Variants in ROCK1 observed in about 807,000 individuals in gnomAD.
ROCK1 encodes rho-associated protein kinase 1.
A neutral mutation model predicts 196.8 loss-of-function variants in ROCK1; 36 were observed. The observed-to-expected ratio is 0.18, with a 90% CI of 0.14 to 0.24. The LOEUF is 0.24. Ranked by LOEUF, ROCK1 falls within the 10% of genes least tolerant of loss-of-function variation. The pLI is 1.00. For synonymous variants in ROCK1, 443 were observed against 515.9 expected, an observed-to-expected ratio of 0.86 and a Z score of 1.91; for missense variants, 920 against 1,562.0, an observed-to-expected ratio of 0.59 and a Z score of 6.93.
intron 4 of ROCK1, among the ~76,000 whole-genome samples, chr18:21,048,288 T>C (rs1352760008): frequency 6.6e-6 from 1 of 152,182 alleles, no homozygotes; most frequent in Admixed American, 6.5e-5. Flanking sequence ...TATTATTTGG[T>C]GACCTAGCTT....
chr18:21,090,873 A>C (rs1473974376), intron 1 of ROCK1, among the ~76,000 whole-genome samples: 1 of 14,474 alleles, frequency 6.9e-5, no homozygotes, highest in African/African-American at 7.5e-5. Flanking sequence ...AAAGTACAAT[A>C]GATCAGAAGC....
intron 1 of ROCK1, among the ~76,000 whole-genome samples, chr18:21,106,196 C>T (rs1206510484): frequency 6.6e-6 from 1 of 152,224 alleles, no homozygotes; most frequent in African/African-American, 2.4e-5. Context: ...ATGTTCTTAA[C>T]AGGCATCATG....
At chr18:20,972,399 T>C (rs2035437685) in intron 22 of ROCK1, among the ~76,000 whole-genome samples, 1 of 152,144 alleles carries the variant, frequency 6.6e-6, no homozygotes. Flanking sequence ...CAAGCAGAGA[T>C]GTCAATTAGA....
intron 13 of ROCK1, among the ~76,000 whole-genome samples, chr18:21,010,499 T>A (rs1167071582): frequency 6.6e-6 from 1 of 152,218 alleles, no homozygotes; most frequent in Non-Finnish European, 1.5e-5. Flanking sequence ...TTCTTTGACC[T>A]CTGGGTTATT....
chr18:20,992,009 T>C (rs2035630929), intron 17 of ROCK1, among the ~76,000 whole-genome samples: 1 of 152,142 alleles, frequency 6.6e-6, no homozygotes, highest in African/African-American at 2.4e-5. Context: ...TTTACTTTGC[T>C]TTCACAAAAA....
intron 1 of ROCK1, among the ~76,000 whole-genome samples, chr18:21,088,633 G>T (rs558384095): frequency 6.6e-6 from 1 of 152,254 alleles, no homozygotes; most frequent in South Asian, 2.1e-4. Context: ...TCATTTATTG[G>T]AAACTTAATC....
rs182624377 is a variant in ROCK1 at position 21,109,465 on chromosome 18, T to C, written c.93+1353A>G. 5.9e-5 allele frequency among the ~76,000 whole-genome samples: 9 copies of C among 152,338 alleles called. No homozygotes were observed. The East Asian group carries it at 1.7e-3, about 29-fold the overall frequency. Reference sequence around the variant, plus strand: ...ATATTAAAAGATAAATCAGACTTCTTAGAAGTTATAGAAATCCTTACTACA... The same window carrying C: ...ATATTAAAAGATAAATCAGACTTCTCAGAAGTTATAGAAATCCTTACTACA... On this transcript the variant is annotated intron_variant, in intron 1 of 32. Transcript: ENST00000399799.
chr18:21,035,833 T>G (rs1022818506), intron 9 of ROCK1, among the ~76,000 whole-genome samples: 1 of 151,624 alleles, frequency 6.6e-6, no homozygotes, highest in African/African-American at 2.4e-5. Flanking sequence ...AGACAAATAT[T>G]ATAGTAATCT....
At chr18:20,959,112 TA>T in intron 29 of ROCK1, among the ~76,000 whole-genome samples, 1 of 49,946 alleles carries the variant, frequency 2.0e-5, no homozygotes, top group Admixed American at 3.9e-4. Context: ...ATTATATATA[TA>T]TTATATAATA....
At position 20,954,792 on chromosome 18, in the gene ROCK1, G is replaced by A. The variant is rs2035225953; in HGVS notation, c.3844C>T (p.Pro1282Ser). ...AATTACCATGCCTTACCTTTACATG[G>A]ACAAATTAAGTCCTCTTTCTTATCT... Reference protein sequence around the residue: ...HLDKKEDLICPCKVSYDVTSA... With the variant: ...HLDKKEDLICSCKVSYDVTSA... The change falls in exon 31 of 33, where the codon CCA becomes TCA. Residue 1282 changes from proline (P) to serine (S), a missense_variant. Physicochemically the swap from Pro to Ser is moderately conservative, Grantham distance 74 (BLOSUM62 -1). Transcript: ENST00000399799. 1 of 1,604,796 alleles carries A rather than the reference G, an allele frequency of 6.2e-7. No homozygotes were observed. The highest frequency in any genetic ancestry group is 1.3e-5 in the African/African-American group (1 of 74,456).
At chr18:21,044,766 A>G (rs1321512264) in intron 5 of ROCK1, among the ~76,000 whole-genome samples, 2 of 152,338 alleles carry the variant, frequency 1.3e-5, no homozygotes, top group African/African-American at 4.8e-5. Context: ...AACACCATTT[A>G]AAGGCTATAT....
chr18:21,079,578 G>T (rs1218721604), intron 1 of ROCK1, among the ~76,000 whole-genome samples: 1 of 152,168 alleles, frequency 6.6e-6, no homozygotes, highest in African/African-American at 2.4e-5. Context: ...GGGGAGAGTA[G>T]GACATACTGG....
intron 6 of ROCK1, among the ~76,000 whole-genome samples, chr18:21,043,623 GTA>G (rs1001043743): frequency 1.4e-5 from 2 of 146,450 alleles, no homozygotes; most frequent in South Asian, 2.1e-4. Context: ...ATACAGCTGT[GTA>G]TATGTTATTT....
At chr18:21,071,246 T>C (rs9955366) in intron 1 of ROCK1, among the ~76,000 whole-genome samples, 68,799 of 148,072 alleles carry the variant, frequency 0.46, 17,175 homozygotes, top group Non-Finnish European at 0.56. Flanking sequence ...TGGTGCAATG[T>C]TGGCTCAATG....
intron 10 of ROCK1, among the ~76,000 whole-genome samples, chr18:21,027,035 T>C (rs1344864698): frequency 6.6e-6 from 1 of 151,346 alleles, no homozygotes; most frequent in African/African-American, 2.4e-5. Context: ...GCCCCCCAGG[T>C]TGAAGCGATT....
Position 21,084,243 on chromosome 18 carries a change from G to A in ROCK1, c.94-13630C>T, listed in dbSNP as rs550289869. Among the ~76,000 whole-genome samples, 24 of 91,656 alleles carry A rather than the reference G, an allele frequency of 2.6e-4. 1 individual carries two copies. In the South Asian group the frequency reaches 0.01, roughly 39 times the overall value. 60.1% of individuals were successfully genotyped at this position (91,656 alleles called of 152,430 possible). ...CATGATCTCTTGTACATGAGACCAA[G>A]AACACAGGCAACAAAAAAAAAACAA... On this transcript the variant is annotated intron_variant, in intron 1 of 32. Coordinates refer to ENST00000399799, the MANE Select transcript of ROCK1 (RefSeq NM_005406.3).
intron 1 of ROCK1, among the ~76,000 whole-genome samples, chr18:21,100,796 C>A (rs1298904354): frequency 6.6e-6 from 1 of 152,036 alleles, no homozygotes; most frequent in Non-Finnish European, 1.5e-5. Context: ...TCCACAAGCT[C>A]CTCTTTACTT....
chr18:21,045,227 T>C, intron 5 of ROCK1, 65 bp downstream of exon 5: 9 of 1,394,674 alleles, frequency 6.5e-6, no homozygotes, highest in East Asian at 2.4e-5. Flanking sequence ...GAGTAAGAAA[T>C]GTTAAAGTTA....
Position 20,968,814 on chromosome 18 carries a change from G to C in ROCK1, c.2961C>G (p.Ala987=). 1 of 1,609,724 alleles carries C rather than the reference G, an allele frequency of 6.2e-7. No homozygotes were observed. The highest frequency in any genetic ancestry group is 8.5e-7 in the Non-Finnish European group (1 of 1,176,104). ...GTTCAGTGTTGATATTCTTTTCAAAGGCAGCCTTAAGATTACTGATCTCCT... is the reference window on the plus strand; with the variant it reads ...GTTCAGTGTTGATATTCTTTTCAAACGCAGCCTTAAGATTACTGATCTCCT... ...KEEEISNLKA[A]FEKNINTERT... Residue 987 remains alanine, a synonymous_variant, in exon 25 of 33, where the codon GCC becomes GCG. Coordinates refer to ENST00000399799, the MANE Select transcript of ROCK1 (RefSeq NM_005406.3).
Sources: allele counts gnomAD v4.1 joint callset (sites outside exome capture counted in the v4.1 genomes callset), GRCh38; gene constraint gnomAD v4.1.1; transcripts MANE v1.5; gene names NCBI Gene and HGNC (gene_info 2026-07-23, HGNC 2026-07-21).